CHST10: variants seen among roughly 807,000 people sequenced by gnomAD.
CHST10 encodes the protein carbohydrate sulfotransferase 10, also known as HNK-1 sulfotransferase.
CHST10 carries 24 observed loss-of-function variants against 34.7 expected under a neutral mutation model. The ratio of observed to expected loss-of-function variants is 0.69; its 90% CI spans 0.50 to 0.97. CHST10 has a LOEUF of 0.97. CHST10 is among the 50% of genes least tolerant of loss of function. The probability of loss-of-function intolerance (pLI) is 0.00; values close to 1 mark genes in which losing one functional copy is unlikely to be tolerated. For synonymous variants in CHST10, 161 were observed against 169.3 expected, an observed-to-expected ratio of 0.95 and a Z score of 0.38; for missense variants, 402 against 452.1, an observed-to-expected ratio of 0.89 and a Z score of 1.00.
Position 100,393,095 on chromosome 2 carries a change from T to A in CHST10, c.*150A>T, listed in dbSNP as rs1674869301. 1 of 745,882 alleles carries A rather than the reference T, an allele frequency of 1.3e-6. No individual in the cohort carries two copies. The highest frequency in any genetic ancestry group is 2.2e-6 in the Non-Finnish European group (1 of 455,372). 46.2% of individuals were successfully genotyped at this position (745,882 alleles called of 1,614,324 possible). A position where few individuals can be genotyped will look rare whatever the true frequency, so the allele number is the denominator to read the frequency against. On this transcript the variant is annotated 3_prime_UTR_variant, in exon 7 of 7. Coordinates refer to ENST00000264249, the MANE Select transcript of CHST10 (RefSeq NM_004854.5). Reference sequence around the variant, plus strand: ...AAGTTGTAACAGTTGGGGTTCTGCGTCATATGCCGAGGCAACTCACAGGCC... The same window carrying A: ...AAGTTGTAACAGTTGGGGTTCTGCGACATATGCCGAGGCAACTCACAGGCC...
At position 100,406,588 on chromosome 2, in the gene CHST10, T is replaced by TA; in HGVS notation, c.87dup (p.Lys30Ter). On this transcript the variant is annotated frameshift_variant, in exon 3 of 7. Coordinates refer to ENST00000264249, the MANE Select transcript of CHST10 (RefSeq NM_004854.5). LOFTEE classifies it high-confidence loss of function. The stretch of plus-strand genomic sequence containing the variant: ...GAAGCATACGTACCATCTGGGTCTT[T>TA]AAAGGTCAACGTGATGAACTTGCTA... 1.9e-6 allele frequency: 3 copies of TA among 1,614,170 alleles called. No homozygotes were observed. The highest frequency in any genetic ancestry group is 1.7e-6 in the Non-Finnish European group (2 of 1,180,034).
intron 3 of CHST10, among the ~76,000 whole-genome samples, chr2:100,404,396 C>A (rs772681026): frequency 2.6e-5 from 4 of 152,196 alleles, no homozygotes; most frequent in African/African-American, 9.6e-5. Flanking sequence ...TGAAGGCAGC[C>A]GGCTGGAAAG....
chr2:100,406,257 C>T (rs999806637), intron 3 of CHST10, among the ~76,000 whole-genome samples: 1 of 152,190 alleles, frequency 6.6e-6, no homozygotes, highest in Non-Finnish European at 1.5e-5. Context: ...CTGAGAGGCG[C>T]CCTGCTGCAA....
chr2:100,414,692 G>T (rs1018497938), intron 2 of CHST10, among the ~76,000 whole-genome samples: 3 of 152,086 alleles, frequency 2.0e-5, no homozygotes, highest in South Asian at 2.1e-4. Flanking sequence ...ACAATTTACC[G>T]CCTTGGAACG....
Position 100,398,103 on chromosome 2 carries a change from G to T in CHST10, c.232C>A (p.Pro78Thr). ...TCCAGGCGCTCCATGTAGACCAGGG[G>T]CTGAACGAGCTGGCTGTCTGGAAGC... is the stretch of plus-strand genomic sequence containing the variant. ...KELPDSQLVQ[P>T]LVYMERLELI... The change falls in exon 5 of 7, where the codon CCC becomes ACC. Residue 78 changes from proline to threonine, a missense_variant. Physicochemically the swap from Pro to Thr is conservative, Grantham distance 38. Coordinates refer to ENST00000264249, the MANE Select transcript of CHST10 (RefSeq NM_004854.5). 6.2e-7 allele frequency: 1 copy of T among 1,613,798 alleles called. No homozygotes were observed. Among genetic ancestry groups the T allele is most frequent in the Non-Finnish European group, 8.5e-7 (1 of 1,179,876 alleles).
At chr2:100,416,123 C>T (rs1450177169) in intron 1 of CHST10, 3 of 152,112 alleles carry the variant, frequency 2.0e-5, no homozygotes, top group African/African-American at 7.2e-5. Flanking sequence ...TCCAGGTTAT[C>T]CAGAAGTGTA....
Position 100,395,554 on chromosome 2 carries a change from CCGTTCTTCTCGTGGTCGTGCACCA to C in CHST10, c.464_487del (p.Val155_Asn162del). The C allele has an allele frequency of 6.2e-7, 1 of 1,614,048 alleles. No individual in the cohort carries two copies. The highest frequency in any genetic ancestry group is 8.5e-7 in the Non-Finnish European group (1 of 1,179,904). On this transcript the variant is annotated inframe_deletion, in exon 6 of 7. Transcript: ENST00000264249. Reference sequence around the variant, plus strand: ...ACTGAAGGAAGAGAGCCGAGGAAGGCCGTTCTTCTCGTGGTCGTGCACCACGTTTTCGGGGATCTCCTCAATGGA... The same window carrying C: ...ACTGAAGGAAGAGAGCCGAGGAAGGCCGTTTTCGGGGATCTCCTCAATGGA...
chr2:100,409,382 T>C (rs1573196285), intron 2 of CHST10, among the ~76,000 whole-genome samples: 1 of 152,282 alleles, frequency 6.6e-6, no homozygotes, highest in East Asian at 1.9e-4. Context: ...AGGGATAGGA[T>C]TTCTCCAACT....
At position 100,417,381 on chromosome 2, in the gene CHST10, G is replaced by C; in HGVS notation, c.-111C>G. On this transcript the variant is annotated 5_prime_UTR_variant, in exon 1 of 7. Transcript: ENST00000264249. ...GCGCGTCCCCGAGCTCACCCTACTG[G>C]AGCGGCGCTCGTCCGGGTCCTTAGG... The C allele has an allele frequency of 3.2e-6, 1 of 313,768 alleles. No homozygotes were observed. Among genetic ancestry groups the C allele is most frequent in the Admixed American group, 4.0e-5 (1 of 24,700 alleles). 19.4% of individuals were successfully genotyped at this position (313,768 alleles called of 1,614,324 possible).
At position 100,393,304 on chromosome 2, in the gene CHST10, G is replaced by A. The variant is rs759718164; in HGVS notation, c.1012C>T (p.Arg338Cys). Residue 338 changes from arginine to cysteine, a missense_variant, in exon 7 of 7, where the codon CGT (arginine) becomes TGT (cysteine). Physicochemically the swap from Arg to Cys is radical, Grantham distance 180. Coordinates refer to ENST00000264249, the MANE Select transcript of CHST10 (RefSeq NM_004854.5). The stretch of plus-strand genomic sequence containing the variant: ...AAGAGCTTAAAGTCCCCTTCGAAAC[G>A]GGCATACAGGCGTCGGATGTCTCGT... ...SKRDIRRLYA[R>C]FEGDFKLFGY... 16 of 1,614,054 alleles carry A rather than the reference G, an allele frequency of 9.9e-6. No homozygotes were observed. The highest frequency in any genetic ancestry group is 2.2e-5 in the South Asian group (2 of 91,084).
At chr2:100,401,652 T>C (rs1310547274) in intron 4 of CHST10, among the ~76,000 whole-genome samples, 2 of 152,284 alleles carry the variant, frequency 1.3e-5, no homozygotes, top group East Asian at 3.9e-4. Flanking sequence ...TTTCTTACCC[T>C]GGGATGCCTC....
At position 100,398,115 on chromosome 2, in the gene CHST10, G is replaced by A. The variant is rs1292644185; in HGVS notation, c.220C>T (p.Gln74Ter). 1 of 1,613,146 alleles carries A rather than the reference G, an allele frequency of 6.2e-7. No individual in the cohort carries two copies. Among genetic ancestry groups the A allele is most frequent in the Non-Finnish European group, 8.5e-7 (1 of 1,179,602 alleles). Residue 74 changes from glutamine to a stop codon, truncating the protein, a stop_gained, in exon 5 of 7, where the codon CAG becomes TAG. Coordinates refer to ENST00000264249, the MANE Select transcript of CHST10 (RefSeq NM_004854.5). LOFTEE classifies it high-confidence loss of function. ...ATGTAGACCAGGGGCTGAACGAGCT[G>A]GCTGTCTGGAAGCTCCTTCCCAGTT... ...KPTGKELPDS[Q>*]LVQPLVYMER...
intron 4 of CHST10, among the ~76,000 whole-genome samples, chr2:100,401,263 T>C (rs1675327538): frequency 1.3e-5 from 2 of 152,184 alleles, no homozygotes; most frequent in Non-Finnish European, 2.9e-5. Context: ...TTGAGCCTCA[T>C]GTTTCCCAAA....
intron 1 of CHST10, chr2:100,415,826 C>A (rs978770347): frequency 1.3e-5 from 2 of 152,238 alleles, no homozygotes; most frequent in Non-Finnish European, 2.9e-5. Context: ...TCAGAGCGTT[C>A]TTACATAAAC....
At chr2:100,406,182 T>C (rs1211401754) in intron 3 of CHST10, among the ~76,000 whole-genome samples, 1 of 152,108 alleles carries the variant, frequency 6.6e-6, no homozygotes, top group African/African-American at 2.4e-5. Context: ...CACACGGGCA[T>C]GCCAAGCAGT....
intron 2 of CHST10, among the ~76,000 whole-genome samples, chr2:100,407,375 G>T (rs1675625319): frequency 6.6e-6 from 1 of 152,190 alleles, no homozygotes; most frequent in African/African-American, 2.4e-5. Flanking sequence ...TCTCCTGCAG[G>T]AGGCACATAA....
chr2:100,398,157 G>A lies in CHST10; in HGVS notation c.193-15C>T. On this transcript the variant is annotated splice_polypyrimidine_tract_variant and intron_variant, in intron 4 of 6. Transcript: ENST00000264249. ...TTCCCAGTTGGCTGCAGGTGACACA[G>A]AGCAGAAGAGGCCCAGGGACCATTA... The A allele has an allele frequency of 6.3e-7, 1 of 1,592,918 alleles. No individual in the cohort carries two copies.
Position 100,393,125 on chromosome 2 carries a change from G to T in CHST10, c.*120C>A. Reference sequence around the variant, plus strand: ...TGCCGAGGCAACTCACAGGCCTGTGGGAGACCCCGGGCGTCCTCAAAGGAG... The same window carrying T: ...TGCCGAGGCAACTCACAGGCCTGTGTGAGACCCCGGGCGTCCTCAAAGGAG... On this transcript the variant is annotated 3_prime_UTR_variant, in exon 7 of 7. Transcript: ENST00000264249. 9.4e-7 allele frequency: 1 copy of T among 1,066,986 alleles called. No homozygotes were observed. The highest frequency in any genetic ancestry group is 1.4e-6 in the Non-Finnish European group (1 of 729,260). The allele number at this position is 1,066,986 out of a possible 1,614,324, so 66.1% of individuals were successfully genotyped here.
rs1558650483 is a variant in CHST10, at chr2:100,417,632, C to G, written c.-362G>C. 1.3e-5 allele frequency: 2 copies of G among 150,874 alleles called. No homozygotes were observed. Among genetic ancestry groups the G allele is most frequent in the South Asian group, 2.1e-4 (1 of 4,836 alleles). 9.3% of individuals were successfully genotyped at this position (150,874 alleles called of 1,614,324 possible). On this transcript the variant is annotated 5_prime_UTR_variant, in exon 1 of 7. Transcript: ENST00000264249. ...GCCAGAACGCCGGCACCGCCTCACG[C>G]GGCCCCCTCGCGCCTATCCGGCCGT...
Sources: gnomAD v4.1 joint callset for allele counts (sites outside exome capture counted in the v4.1 genomes callset) on GRCh38, gnomAD v4.1.1 for gene constraint, MANE v1.5 for transcripts, NCBI Gene and HGNC (gene_info 2026-07-23, HGNC 2026-07-21) for gene names.